PRLR: variants seen among roughly 807,000 people sequenced by gnomAD.
PRLR encodes the protein prolactin receptor.
A neutral mutation model predicts 40.2 loss-of-function variants in PRLR; 13 were observed. The ratio of observed to expected loss-of-function variants is 0.32; its 90% CI spans 0.21 to 0.51. PRLR has a LOEUF of 0.51. Among genes scored for constraint, PRLR ranks in the 20% least tolerant of loss-of-function variants. The pLI, the probability that PRLR is intolerant of heterozygous loss-of-function variation, is 0.97. For missense variants in PRLR, 656 were observed against 747.3 expected, an observed-to-expected ratio of 0.88 and a Z score of 1.42; for synonymous variants, 269 against 278.7, an observed-to-expected ratio of 0.97 and a Z score of 0.35.
chr5:35,137,891 C>T (rs1773907528), intron 1 of PRLR, among the ~76,000 whole-genome samples: 2 of 152,228 alleles, frequency 1.3e-5, no homozygotes, highest in Admixed American at 1.3e-4. Context: ...GCAGAGATGG[C>T]GCCATTGCAC....
chr5:35,050,141 C>T lies in PRLR; in HGVS notation c.1010-733G>A, dbSNP rs182707977. Among the ~76,000 whole-genome samples the T allele has an allele frequency of 1.2e-3, 183 of 152,206 alleles. 1 individual carries two copies. The highest frequency in any genetic ancestry group is 4.3e-3 in the African/African-American group (178 of 41,530). ...CTCGAACTCCTGACCTCAGGTGATC[C>T]GCCCGCCTTGGCCTCCCAAAGTGCT... is the stretch of plus-strand genomic sequence containing the variant. On this transcript the variant is annotated intron_variant, in intron 8 of 8. Transcript: ENST00000231423.
At chr5:35,204,448 A>G (rs900399464) in intron 1 of PRLR, among the ~76,000 whole-genome samples, 10 of 152,200 alleles carry the variant, frequency 6.6e-5, no homozygotes, top group Non-Finnish European at 7.4e-5. Flanking sequence ...AGCAGAGGGT[A>G]CTTACAGGAT....
chr5:35,151,977 T>G (rs1774354544), intron 1 of PRLR, among the ~76,000 whole-genome samples: 1 of 152,218 alleles, frequency 6.6e-6, no homozygotes, highest in African/African-American at 2.4e-5. Context: ...TTGGGCTTGT[T>G]TGTTACCACA....
intron 1 of PRLR, among the ~76,000 whole-genome samples, chr5:35,205,868 T>C (rs1223612623): frequency 6.6e-6 from 1 of 152,192 alleles, no homozygotes; most frequent in African/African-American, 2.4e-5. Context: ...TAGAGCCCAG[T>C]ACATATTGAA....
intron 1 of PRLR, among the ~76,000 whole-genome samples, chr5:35,147,908 C>T (rs1306263472): frequency 6.6e-6 from 1 of 152,010 alleles, no homozygotes; most frequent in Non-Finnish European, 1.5e-5. Context: ...GGTGGATTCA[C>T]TATGGTGAAT....
Position 35,068,226 on chromosome 5 carries a change from T to G in PRLR, c.845A>C (p.His282Pro). The G allele has an allele frequency of 1.9e-6, 3 of 1,612,170 alleles. No individual in the cohort carries two copies. Among genetic ancestry groups the G allele is most frequent in the Non-Finnish European group, 2.5e-6 (3 of 1,178,212 alleles). ...GCCTCCTGTACTTACCTCCAACAGATGAGCATCAAATCCTTTTATTTTTGG... is the reference window on the plus strand; with the variant it reads ...GCCTCCTGTACTTACCTCCAACAGAGGAGCATCAAATCCTTTTATTTTTGG... Reference protein sequence around the residue: ...PGPKIKGFDAHLLEKGKSEEL... With the variant: ...PGPKIKGFDAPLLEKGKSEEL... The change falls in exon 9 of 10, where the codon CAT (histidine) becomes CCT (proline). Residue 282 changes from histidine to proline, a missense_variant. Coordinates refer to ENST00000618457, the MANE Select transcript of PRLR (RefSeq NM_000949.7).
chr5:35,105,104 A>G (rs1293134841), intron 2 of PRLR, among the ~76,000 whole-genome samples: 3 of 152,248 alleles, frequency 2.0e-5, no homozygotes, highest in Non-Finnish European at 4.4e-5. Flanking sequence ...TACTCAGGCA[A>G]ACAGGTTCTG....
chr5:35,198,122 C>T (rs1236994445), intron 1 of PRLR, among the ~76,000 whole-genome samples: 2 of 152,226 alleles, frequency 1.3e-5, no homozygotes, highest in Non-Finnish European at 2.9e-5. Context: ...CTCCGTTCTA[C>T]TTCAGCCATT....
intron 2 of PRLR, among the ~76,000 whole-genome samples, chr5:35,109,446 GA>G (rs1772500719): frequency 6.6e-6 from 1 of 152,060 alleles, no homozygotes; most frequent in African/African-American, 2.4e-5. Flanking sequence ...CAGAATGGGA[GA>G]AAATTTTTAC....
chr5:35,065,613 T>G lies in PRLR; in HGVS notation c.1345A>C (p.Thr449Pro), dbSNP rs758842030. Reference sequence around the variant, plus strand: ...TCTTTACCTGCTTCATTCAACAGAGTGGCCGGTGCACCTGCAGGGCCCACA... The same window carrying G: ...TCTTTACCTGCTTCATTCAACAGAGGGGCCGGTGCACCTGCAGGGCCCACA... ...LAVGPAGAPA[T>P]LLNEAGKDAL... The change falls in exon 10 of 10, where the codon ACT becomes CCT. Residue 449 changes from threonine (T) to proline (P), a missense_variant. Thr to Pro is a conservative substitution (Grantham distance 38, BLOSUM62 -1). Coordinates refer to ENST00000618457, the MANE Select transcript of PRLR (RefSeq NM_000949.7). The G allele has an allele frequency of 1.2e-6, 2 of 1,613,804 alleles. No individual in the cohort carries two copies. Among genetic ancestry groups the G allele is most frequent in the South Asian group, 2.2e-5 (2 of 91,068 alleles).
intron 1 of PRLR, among the ~76,000 whole-genome samples, chr5:35,222,505 T>G (rs1029567836): frequency 1.3e-5 from 2 of 152,118 alleles, no homozygotes; most frequent in Admixed American, 6.5e-5. Flanking sequence ...ACTATAAATA[T>G]GCAAGGCCAA....
intron 1 of PRLR, among the ~76,000 whole-genome samples, chr5:35,138,391 G>T (rs1773920600): frequency 6.6e-6 from 1 of 152,186 alleles, no homozygotes; most frequent in Non-Finnish European, 1.5e-5. Context: ...TGTCATCATG[G>T]TAAAACCACA....
chr5:35,199,202 C>T (rs897234125), intron 1 of PRLR, among the ~76,000 whole-genome samples: 1 of 152,084 alleles, frequency 6.6e-6, no homozygotes, highest in Non-Finnish European at 1.5e-5. Context: ...TAAGGAAATG[C>T]TATAGGAGGA....
intron 1 of PRLR, among the ~76,000 whole-genome samples, chr5:35,165,548 C>T (rs1419842785): frequency 6.6e-6 from 1 of 152,202 alleles, no homozygotes; most frequent in East Asian, 1.9e-4. Flanking sequence ...TTTGATGGTT[C>T]TGTTCAAGCC....
At chr5:35,097,006 T>A (rs1771575570) in intron 2 of PRLR, among the ~76,000 whole-genome samples, 1 of 152,160 alleles carries the variant, frequency 6.6e-6, no homozygotes, top group Non-Finnish European at 1.5e-5. Flanking sequence ...CATGGGCATT[T>A]TAAAAAAAAC....
intron 2 of PRLR, among the ~76,000 whole-genome samples, chr5:35,095,252 T>A (rs1181358911): frequency 6.6e-6 from 1 of 152,130 alleles, no homozygotes; most frequent in Admixed American, 6.6e-5. Context: ...GGCTAAAGAT[T>A]AAGACTGTTA....
chr5:35,162,841 T>G (rs1033339361), intron 1 of PRLR, among the ~76,000 whole-genome samples: 2 of 152,216 alleles, frequency 1.3e-5, no homozygotes, highest in African/African-American at 4.8e-5. Context: ...AGTAAAATGA[T>G]TCACTGTTTT....
intron 2 of PRLR, among the ~76,000 whole-genome samples, chr5:35,091,361 G>A (rs1443234981): frequency 6.6e-6 from 1 of 152,134 alleles, no homozygotes; most frequent in Non-Finnish European, 1.5e-5. Flanking sequence ...TAACACTTCT[G>A]GAGCATCTAT....
chr5:35,167,592 A>G (rs562710641), intron 1 of PRLR, among the ~76,000 whole-genome samples: 1 of 152,214 alleles, frequency 6.6e-6, no homozygotes, highest in African/African-American at 2.4e-5. Flanking sequence ...TATAGGGTAC[A>G]TTTTTTAAAC....
Sources: gnomAD v4.1 joint callset for allele counts (sites outside exome capture counted in the v4.1 genomes callset) on GRCh38, gnomAD v4.1.1 for gene constraint, MANE v1.5 for transcripts, NCBI Gene and HGNC (gene_info 2026-07-23, HGNC 2026-07-21) for gene names.